Variants in CAMKMT observed in about 807,000 individuals in gnomAD.
CAMKMT encodes the protein calmodulin-lysine N-methyltransferase, also known as CaM KMT.
CAMKMT carries 53 observed loss-of-function variants against 48.0 expected under a neutral mutation model. The ratio of observed to expected loss-of-function variants is 1.10; its 90% CI spans 0.89 to 1.39. CAMKMT has a LOEUF of 1.39. CAMKMT is among the 40% of genes most tolerant of loss of function. CAMKMT has a pLI of 0.00. For missense variants in CAMKMT, 428 were observed against 402.7 expected (o/e 1.06, Z -0.54); for synonymous variants, 165 against 152.3 (o/e 1.08, Z -0.61).
At chr2:44,470,329 G>A (rs1668347646) in intron 3 of CAMKMT, among the ~76,000 whole-genome samples, 2 of 152,058 alleles carry the variant, frequency 1.3e-5, no homozygotes, top group South Asian at 4.1e-4. Context: ...TGCCCAATTT[G>A]CATTCCACTA....
chr2:44,439,047 G>T (rs1331830866), intron 3 of CAMKMT, among the ~76,000 whole-genome samples: 1 of 152,098 alleles, frequency 6.6e-6, no homozygotes, highest in Non-Finnish European at 1.5e-5. Flanking sequence ...TTAAACTGAT[G>T]ACCTGAGCAA....
chr2:44,481,086 G>A (rs1668943672), intron 3 of CAMKMT, among the ~76,000 whole-genome samples: 1 of 151,964 alleles, frequency 6.6e-6, no homozygotes, highest in Admixed American at 6.6e-5. Context: ...AATTATTAGT[G>A]TCACATATGA....
intron 3 of CAMKMT, among the ~76,000 whole-genome samples, chr2:44,391,287 A>C (rs559242192): frequency 6.6e-6 from 1 of 152,286 alleles, no homozygotes; most frequent in Non-Finnish European, 1.5e-5. Context: ...GGAATCTATA[A>C]ATGTCCTTAA....
At chr2:44,519,690 G>C (rs1242263310) in intron 3 of CAMKMT, among the ~76,000 whole-genome samples, 1 of 152,180 alleles carries the variant, frequency 6.6e-6, no homozygotes, top group East Asian at 1.9e-4. Flanking sequence ...CACAGGAGAT[G>C]TACGTTACTA....
At chr2:44,564,794 C>A (rs987454863) in intron 3 of CAMKMT, among the ~76,000 whole-genome samples, 5 of 152,166 alleles carry the variant, frequency 3.3e-5, no homozygotes, top group African/African-American at 1.2e-4. Context: ...CCTGCTTTGG[C>A]CCCCCAAAGA....
rs140491800 is a variant in CAMKMT at position 44,440,313 on chromosome 2, T to C, written c.376+50008T>C. ...AAATCACACAAAGAGTGGGTCTTGA[T>C]AGCAGTAATAGAAAATACGGTATTA... On this transcript the variant is annotated intron_variant, in intron 3 of 10. Transcript: ENST00000378494. Among the ~76,000 whole-genome samples, 107 of 152,252 alleles carry C rather than the reference T, an allele frequency of 7.0e-4. 3 individuals are homozygous for C. The East Asian group carries it at 0.015, about 21-fold the overall frequency.
intron 3 of CAMKMT, among the ~76,000 whole-genome samples, chr2:44,563,036 C>T (rs1387820841): frequency 6.6e-6 from 1 of 152,106 alleles, no homozygotes; most frequent in East Asian, 1.9e-4. Flanking sequence ...TTTGATCTAA[C>T]CAACTCCTAT....
intron 3 of CAMKMT, among the ~76,000 whole-genome samples, chr2:44,476,537 T>C (rs698811): frequency 0.85 from 129,521 of 151,792 alleles, 55,650 homozygotes; most frequent in African/African-American, 0.95. Context: ...AATCTTGTCA[T>C]GTTCAGGGTT....
chr2:44,770,732 A>G (rs1183276132), intron 10 of CAMKMT, among the ~76,000 whole-genome samples: 1 of 152,222 alleles, frequency 6.6e-6, no homozygotes, highest in African/African-American at 2.4e-5. Context: ...ATTTTCTAAA[A>G]TTAGACTAAA....
chr2:44,417,963 C>T (rs1002719696), intron 3 of CAMKMT, among the ~76,000 whole-genome samples: 2 of 151,998 alleles, frequency 1.3e-5, no homozygotes, highest in Non-Finnish European at 2.9e-5. Context: ...GAAGCCGAGG[C>T]GGGTAGATAC....
At chr2:44,441,647 G>A (rs1666671134) in intron 3 of CAMKMT, among the ~76,000 whole-genome samples, 1 of 151,934 alleles carries the variant, frequency 6.6e-6, no homozygotes, top group South Asian at 2.1e-4. Context: ...TCAGATTGGT[G>A]CATTGATATT....
chr2:44,606,227 C>T (rs948744029), intron 3 of CAMKMT, among the ~76,000 whole-genome samples: 1 of 152,124 alleles, frequency 6.6e-6, no homozygotes, highest in African/African-American at 2.4e-5. Context: ...CTGTCATAAA[C>T]TATGTATCTG....
chr2:44,468,458 A>G (rs1057317821), intron 3 of CAMKMT, among the ~76,000 whole-genome samples: 3 of 152,220 alleles, frequency 2.0e-5, no homozygotes, highest in Admixed American at 1.3e-4. Flanking sequence ...TCAGAAAACT[A>G]AAAATGGAAC....
intron 2 of CAMKMT, among the ~76,000 whole-genome samples, chr2:44,382,323 T>C (rs1289539949): frequency 1.1e-4 from 17 of 152,278 alleles, no homozygotes; most frequent in African/African-American, 4.1e-4. Context: ...ACCTCATCTC[T>C]ACCTAGAATC....
intron 3 of CAMKMT, among the ~76,000 whole-genome samples, chr2:44,645,596 A>G (rs1452005748): frequency 6.6e-6 from 1 of 150,982 alleles, no homozygotes; most frequent in African/African-American, 2.5e-5. Flanking sequence ...CGAGGCAGGC[A>G]GATCACTTGA....
At chr2:44,641,722 T>TA (rs5830801) in intron 3 of CAMKMT, among the ~76,000 whole-genome samples, 89,823 of 151,756 alleles carry the variant, frequency 0.59, 27,503 homozygotes, top group Admixed American at 0.68. Context: ...CAAACCAAAA[T>TA]AACTTTTGTA....
intron 3 of CAMKMT, among the ~76,000 whole-genome samples, chr2:44,636,559 G>C (rs1286475974): frequency 6.6e-6 from 1 of 152,198 alleles, no homozygotes; most frequent in East Asian, 1.9e-4. Context: ...TTTGCAAGAA[G>C]TCAGTGTGCC....
intron 3 of CAMKMT, among the ~76,000 whole-genome samples, chr2:44,521,285 AT>A (rs1017985938): frequency 9.1e-4 from 136 of 149,804 alleles, no homozygotes; most frequent in African/African-American, 2.9e-3. Flanking sequence ...TTATCCCAAT[AT>A]TTTTTTTTTA....
At chr2:44,580,733 T>A (rs1669509591) in intron 3 of CAMKMT, among the ~76,000 whole-genome samples, 1 of 152,192 alleles carries the variant, frequency 6.6e-6, no homozygotes, top group South Asian at 2.1e-4. Context: ...AGCAGTATCA[T>A]CATGAATGTT....
Sources: allele counts gnomAD v4.1 joint callset (sites outside exome capture counted in the v4.1 genomes callset), GRCh38; gene constraint gnomAD v4.1.1; transcripts MANE v1.5; gene names NCBI Gene and HGNC (gene_info 2026-07-23, HGNC 2026-07-21).